The following LRP1B variants were observed in gnomAD, a reference collection of about 807,000 sequenced individuals.
LRP1B encodes the protein low-density lipoprotein receptor-related protein 1B.
In LRP1B, 217 loss-of-function variants were observed where a neutral mutation model predicts 556.6. The observed-to-expected ratio is 0.39, with a 90% CI of 0.35 to 0.44. The LOEUF (loss-of-function observed/expected upper bound fraction) is 0.44, where lower values mean the gene tolerates loss of function less well. Among genes scored for constraint, LRP1B ranks in the 20% least tolerant of loss-of-function variants. The pLI, the probability that LRP1B is intolerant of heterozygous loss-of-function variation, is 1.00. For missense variants in LRP1B, 5,053 were observed against 5,620.8 expected (o/e 0.90, Z 3.23); for synonymous variants, 2,047 against 1,865.8 (o/e 1.10, Z -2.50).
chr2:140,425,351 G>C (rs1685609823), intron 66 of LRP1B, among the ~76,000 whole-genome samples: 1 of 151,820 alleles, frequency 6.6e-6, no homozygotes, highest in South Asian at 2.1e-4. Flanking sequence ...GTAATGGTTG[G>C]GTGTGAGTCT....
rs1693005640 is a variant in LRP1B at position 140,868,019 on chromosome 2, G to A, written c.4334+80C>T. The A allele has an allele frequency of 9.8e-6, 14 of 1,424,142 alleles. No individual in the cohort carries two copies. The South Asian group carries it at 1.9e-4, about 19-fold the overall frequency. 88.2% of individuals were successfully genotyped at this position (1,424,142 alleles called of 1,614,324 possible). A position where few individuals can be genotyped will look rare whatever the true frequency, so the allele number is the denominator to read the frequency against. ...TTTTAATATATGTATACATGATACT[G>A]ACATGTTAGGACACTTTCCAATGTT... On this transcript the variant is annotated intron_variant, in intron 26 of 90. Coordinates refer to ENST00000389484, the MANE Select transcript of LRP1B (RefSeq NM_018557.3).
chr2:140,955,118 T>A (rs1323605861), intron 18 of LRP1B, among the ~76,000 whole-genome samples: 1 of 151,940 alleles, frequency 6.6e-6, no homozygotes, highest in East Asian at 1.9e-4. Flanking sequence ...CATCTAGAAA[T>A]GCATAATACC....
chr2:141,282,401 C>A (rs1262448030), intron 3 of LRP1B, among the ~76,000 whole-genome samples: 1 of 149,932 alleles, frequency 6.7e-6, no homozygotes, highest in Non-Finnish European at 1.5e-5. Flanking sequence ...TTAAAAAAAT[C>A]AATTATGATA....
chr2:142,005,922 A>T (rs1016155087), intron 1 of LRP1B, among the ~76,000 whole-genome samples: 37 of 151,886 alleles, frequency 2.4e-4, no homozygotes, highest in Non-Finnish European at 4.9e-4. Context: ...AAAAAACTGC[A>T]TATTTACAGT....
chr2:141,013,859 C>G (rs1697825504), intron 13 of LRP1B, 114 bp from the exon 14 acceptor site: 2 of 550,622 alleles, frequency 3.6e-6, no homozygotes, highest in Admixed American at 8.0e-5. Context: ...CATATCTTAA[C>G]TCATTTTCTC....
chr2:141,662,766 A>G (rs1690269981), intron 2 of LRP1B, among the ~76,000 whole-genome samples: 1 of 152,074 alleles, frequency 6.6e-6, no homozygotes, highest in Non-Finnish European at 1.5e-5. Flanking sequence ...TATTAGACAG[A>G]TTATTGAGAC....
chr2:140,294,839 A>C (rs1044091327), intron 84 of LRP1B, among the ~76,000 whole-genome samples: 17 of 152,048 alleles, frequency 1.1e-4, no homozygotes, highest in Non-Finnish European at 2.1e-4. Context: ...AGTGGTGAAG[A>C]TGTGAGCAAT....
At position 140,994,179 on chromosome 2, in the gene LRP1B, A is replaced by T. The variant is rs559582188; in HGVS notation, c.2504-44T>A. The stretch of plus-strand genomic sequence containing the variant: ...AAGGTATATGAATAATGCTAGCTAC[A>T]GTCAGTCCATTAAAATTTAAATCTT... On this transcript the variant is annotated intron_variant, in intron 15 of 90. Transcript: ENST00000389484. 12 of 1,542,808 alleles carry T rather than the reference A, an allele frequency of 7.8e-6. No individual in the cohort carries two copies. The African/African-American group carries it at 1.5e-4, about 20-fold the overall frequency.
intron 3 of LRP1B, among the ~76,000 whole-genome samples, chr2:141,365,655 C>CTTTTTTTTTTTTTTTTG (rs781538829): frequency 7.4e-5 from 9 of 121,130 alleles, no homozygotes; most frequent in Non-Finnish European, 1.0e-4. Context: ...GTTTTTGTTG[C>CTTTTTTTTTTTTTTTTG]TTTTTTTTTT....
intron 2 of LRP1B, among the ~76,000 whole-genome samples, chr2:141,616,021 C>T (rs4410229): frequency 0.68 from 102,662 of 152,048 alleles, 35,986 homozygotes; most frequent in African/African-American, 0.86. Flanking sequence ...TGGTGGCTCA[C>T]GCCTGTAATC....
intron 22 of LRP1B, among the ~76,000 whole-genome samples, chr2:140,906,101 T>C (rs966916528): frequency 6.6e-6 from 1 of 152,142 alleles, no homozygotes; most frequent in Non-Finnish European, 1.5e-5. Flanking sequence ...TCTTCATGAC[T>C]TCACCTCTGA....
At chr2:140,773,362 G>A (rs1299269627) in intron 33 of LRP1B, among the ~76,000 whole-genome samples, 1 of 151,972 alleles carries the variant, frequency 6.6e-6, no homozygotes, top group Admixed American at 6.6e-5. Context: ...CCAGCTACTC[G>A]GGGGACTGAG....
intron 1 of LRP1B, among the ~76,000 whole-genome samples, chr2:142,057,987 T>A (rs930487355): frequency 5.9e-5 from 9 of 152,158 alleles, no homozygotes; most frequent in African/African-American, 2.2e-4. Context: ...GGATTTAATG[T>A]ACATTTGCTG....
chr2:141,780,581 C>G (rs76869360), intron 2 of LRP1B, among the ~76,000 whole-genome samples: 1,625 of 152,250 alleles, frequency 0.011, 35 homozygotes, highest in African/African-American at 0.038. Flanking sequence ...TTTAAGCTAT[C>G]GCGTGGCATC....
intron 41 of LRP1B, among the ~76,000 whole-genome samples, chr2:140,655,390 A>G (rs1394256342): frequency 6.6e-6 from 1 of 152,166 alleles, no homozygotes. Flanking sequence ...TCACAGATAT[A>G]AAATATCAAA....
At chr2:141,397,198 G>A (rs4416157) in intron 3 of LRP1B, among the ~76,000 whole-genome samples, 140,630 of 149,002 alleles carry the variant, frequency 0.94, 66,620 homozygotes, top group East Asian at 1. Context: ...TTTGTGTTTC[G>A]TCTTAGCATG....
At chr2:140,944,565 G>A (rs955691230) in intron 20 of LRP1B, among the ~76,000 whole-genome samples, 4 of 152,022 alleles carry the variant, frequency 2.6e-5, no homozygotes, top group South Asian at 2.1e-4. Context: ...TTAATCCATC[G>A]TGATCAGTAG....
chr2:141,837,201 G>T (rs549136987), intron 1 of LRP1B, among the ~76,000 whole-genome samples: 177 of 152,082 alleles, frequency 1.2e-3, no homozygotes, highest in Non-Finnish European at 2.1e-3. Context: ...GTACAGTTCT[G>T]CCAGTTCTAA....
chr2:141,357,527 G>A (rs16845902), intron 3 of LRP1B, among the ~76,000 whole-genome samples: 6,779 of 152,162 alleles, frequency 0.045, 234 homozygotes, highest in African/African-American at 0.082. Flanking sequence ...CTGAAAACGC[G>A]CTGAATTTAT....
Sources: gnomAD v4.1 joint callset for allele counts (sites outside exome capture counted in the v4.1 genomes callset) on GRCh38, gnomAD v4.1.1 for gene constraint, MANE v1.5 for transcripts, NCBI Gene and HGNC (gene_info 2026-07-23, HGNC 2026-07-21) for gene names.